PSD3: variants seen among roughly 807,000 people sequenced by gnomAD.
The protein encoded by PSD3 is PH and SEC7 domain-containing protein 3.
Under a neutral mutation model 105.5 loss-of-function variants are expected in PSD3, and 49 were observed. That is an observed-to-expected ratio of 0.46 (90% CI 0.37 to 0.59). PSD3 has a LOEUF of 0.59. Among genes scored for constraint, PSD3 ranks in the 20% least tolerant of loss-of-function variants. The pLI is 0.00. For synonymous variants in PSD3, 557 were observed against 457.8 expected, an observed-to-expected ratio of 1.22 and a Z score of -2.77; for missense variants, 1,561 against 1,263.8, an observed-to-expected ratio of 1.24 and a Z score of -3.57.
intron 2 of PSD3, among the ~76,000 whole-genome samples, chr8:18,913,123 A>ACACC (rs1820359119): frequency 7.9e-6 from 1 of 127,284 alleles, no homozygotes; most frequent in Non-Finnish European, 1.8e-5. Context: ...ACACACACAC[A>ACACC]CTCTCCTTCT....
chr8:18,563,738 G>A (rs1307344837), intron 14 of PSD3, among the ~76,000 whole-genome samples: 3 of 152,088 alleles, frequency 2.0e-5, no homozygotes, highest in Admixed American at 1.3e-4. Context: ...ATCCATTCAG[G>A]AAAAGTATGG....
Position 18,535,820 on chromosome 8 carries a change from C to A in PSD3, c.3067G>T (p.Ala1023Ser). The stretch of plus-strand genomic sequence containing the variant: ...TCTGACACGTTACGCTTGACTTTGG[C>A]AGTGATTGGAGAAGTATCCGGGTTC... ...SLNPDTSPIT[A>S]KVKRNVSERK... Residue 1023 changes from alanine (A) to serine (S), a missense_variant, in exon 16 of 16, where the codon GCC (alanine) becomes TCC (serine). Transcript: ENST00000327040. The A allele has an allele frequency of 1.2e-6, 2 of 1,614,130 alleles. No individual in the cohort carries two copies. Among genetic ancestry groups the A allele is most frequent in the Non-Finnish European group, 1.7e-6 (2 of 1,179,988 alleles).
At chr8:18,677,283 C>G (rs1024326685) in intron 9 of PSD3, among the ~76,000 whole-genome samples, 4 of 152,096 alleles carry the variant, frequency 2.6e-5, no homozygotes, top group African/African-American at 9.7e-5. Context: ...GGTTTCCTAA[C>G]AAAAATAAAA....
intron 1 of PSD3, among the ~76,000 whole-genome samples, chr8:18,958,877 A>G (rs1586526511): frequency 1.3e-5 from 2 of 152,238 alleles, no homozygotes; most frequent in Admixed American, 1.3e-4. Context: ...TTTTGTTCCA[A>G]TAAGTCCTAT....
chr8:18,907,620 T>C (rs1819931623), intron 2 of PSD3, among the ~76,000 whole-genome samples: 1 of 152,260 alleles, frequency 6.6e-6, no homozygotes, highest in Admixed American at 6.5e-5. Context: ...AGCAATAAGC[T>C]ATACCATATA....
At chr8:19,069,545 A>T (rs1255448524) in intron 1 of PSD3, among the ~76,000 whole-genome samples, 1 of 152,222 alleles carries the variant, frequency 6.6e-6, no homozygotes, top group African/African-American at 2.4e-5. Flanking sequence ...AAGGGAGATA[A>T]GATTTGTACA....
intron 9 of PSD3, among the ~76,000 whole-genome samples, chr8:18,700,599 C>T (rs1801520777): frequency 6.6e-6 from 1 of 152,212 alleles, no homozygotes; most frequent in Non-Finnish European, 1.5e-5. Context: ...AGCAGACATA[C>T]TGGGGGAAAA....
intron 1 of PSD3, among the ~76,000 whole-genome samples, chr8:18,992,413 C>T (rs180693780): frequency 6.6e-6 from 1 of 152,276 alleles, no homozygotes; most frequent in East Asian, 1.9e-4. Context: ...AAGTGTCTGG[C>T]ACACACCTCA....
intron 10 of PSD3, among the ~76,000 whole-genome samples, chr8:18,652,455 T>C (rs1808564274): frequency 6.6e-6 from 1 of 150,722 alleles, no homozygotes; most frequent in African/African-American, 2.4e-5. Context: ...TAAATAATTA[T>C]ATCCATGTAC....
chr8:18,946,424 T>TA (rs1158733390), intron 1 of PSD3, among the ~76,000 whole-genome samples: 1 of 151,402 alleles, frequency 6.6e-6, no homozygotes, highest in Non-Finnish European at 1.5e-5. Context: ...AAATAAAAAA[T>TA]AAAAAAATCA....
intron 1 of PSD3, among the ~76,000 whole-genome samples, chr8:19,035,820 T>C (rs1483369414): frequency 6.6e-6 from 1 of 152,086 alleles, no homozygotes; most frequent in Non-Finnish European, 1.5e-5. Flanking sequence ...TATGACCCGA[T>C]CTCAGCTCAC....
chr8:18,616,769 G>A (rs1805715316), intron 11 of PSD3, among the ~76,000 whole-genome samples: 1 of 149,920 alleles, frequency 6.7e-6, no homozygotes, highest in Admixed American at 6.6e-5. Context: ...GACTACAGGC[G>A]CCCGCCACCA....
At chr8:18,732,791 G>C (rs1803863604) in intron 9 of PSD3, 1 of 152,110 alleles carries the variant, frequency 6.6e-6, no homozygotes, top group African/African-American at 2.4e-5. Context: ...TGCAGGGATG[G>C]GAGAACTCCA....
intron 14 of PSD3, among the ~76,000 whole-genome samples, chr8:18,566,701 T>C (rs375940619): frequency 6.6e-6 from 1 of 152,208 alleles, no homozygotes; most frequent in African/African-American, 2.4e-5. Context: ...GGTTACCTTG[T>C]CTTACATGAT....
chr8:18,600,942 G>T (rs1459997672), intron 11 of PSD3, among the ~76,000 whole-genome samples: 1 of 152,174 alleles, frequency 6.6e-6, no homozygotes, highest in African/African-American at 2.4e-5. Context: ...CAGAGTGCAA[G>T]TTTAAATGTT....
At chr8:18,965,457 T>C (rs1328246933) in intron 1 of PSD3, among the ~76,000 whole-genome samples, 1 of 152,172 alleles carries the variant, frequency 6.6e-6, no homozygotes, top group Non-Finnish European at 1.5e-5. Context: ...ATTACCCCGT[T>C]CGGCGGGGGT....
rs115579727 is a variant in PSD3 at position 18,938,665 on chromosome 8, G to C, written c.22-2523C>G. On this transcript the variant is annotated intron_variant, in intron 1 of 15. Coordinates refer to ENST00000327040, the MANE Select transcript of PSD3 (RefSeq NM_015310.4). ...AAAAAAGAGGGAAAGGGGAGATTAA[G>C]GTTAATTAGAATAGATACTAACCAC... 8.6e-3 allele frequency among the ~76,000 whole-genome samples: 1,298 copies of C among 151,080 alleles called. 19 individuals carry two copies. The highest frequency in any genetic ancestry group is 0.03 in the African/African-American group (1,244 of 41,198).
chr8:19,005,353 ATT>A (rs1826623150), intron 1 of PSD3, among the ~76,000 whole-genome samples: 1 of 152,070 alleles, frequency 6.6e-6, no homozygotes, highest in Non-Finnish European at 1.5e-5. Flanking sequence ...CACATTTTGT[ATT>A]GTTTCATTTA....
At chr8:18,833,250 G>A (rs1050183475) in intron 4 of PSD3, among the ~76,000 whole-genome samples, 1 of 152,168 alleles carries the variant, frequency 6.6e-6, no homozygotes, top group Non-Finnish European at 1.5e-5. Context: ...ATTCACTCAG[G>A]TTGAAGCTTG....
Sources: allele counts gnomAD v4.1 joint callset (sites outside exome capture counted in the v4.1 genomes callset), GRCh38; gene constraint gnomAD v4.1.1; transcripts MANE v1.5; gene names NCBI Gene and HGNC (gene_info 2026-07-23, HGNC 2026-07-21).